C6: variants seen among roughly 807,000 people sequenced by gnomAD.
C6 encodes complement C6.
In C6, 101 loss-of-function variants were observed where a neutral mutation model predicts 112.9. The observed-to-expected ratio is 0.89, with a 90% CI of 0.76 to 1.06. The LOEUF is 1.06. C6 is among the 50% of genes least tolerant of loss of function. The probability of loss-of-function intolerance (pLI) is 0.00; values close to 1 mark genes in which losing one functional copy is unlikely to be tolerated. For synonymous variants in C6, 431 were observed against 384.1 expected (o/e 1.12, Z -1.43); for missense variants, 1,202 against 1,104.6 (o/e 1.09, Z -1.25).
intron 1 of C6, among the ~76,000 whole-genome samples, chr5:41,230,679 G>T (rs959935459): frequency 6.6e-6 from 1 of 152,074 alleles, no homozygotes; most frequent in African/African-American, 2.4e-5. Context: ...TGATCCTTGT[G>T]ACCTACTCTC....
intron 13 of C6, among the ~76,000 whole-genome samples, chr5:41,156,551 A>T (rs1746931934): frequency 6.6e-6 from 1 of 152,192 alleles, no homozygotes. Context: ...GAGGGGCAAG[A>T]GTACCAAGAA....
intron 5 of C6, chr5:41,186,520 G>T: frequency 3.1e-6 from 1 of 326,138 alleles, no homozygotes; most frequent in Non-Finnish European, 5.8e-6. Context: ...TGCAAAGTTT[G>T]GAAGCAGATT....
In C6 at chr5:41,158,778, G is replaced by C; in HGVS notation, c.1864C>G (p.Pro622Ala). ...ATTTCTTCGTCATCATTGATACATG[G>C]TTGTCCACTAAAAGGGAAACATAAA... ...TFSIMENNGQPCINDDEEMKE... is the reference protein window; with the variant it reads ...TFSIMENNGQACINDDEEMKE... Residue 622 changes from proline (P) to alanine (A), a missense_variant, in exon 13 of 18, where the codon CCA becomes GCA. Pro to Ala is a conservative substitution (Grantham distance 27, BLOSUM62 -1). Coordinates refer to ENST00000337836, the MANE Select transcript of C6 (RefSeq NM_000065.5). The C allele has an allele frequency of 6.4e-7, 1 of 1,555,402 alleles. No homozygotes were observed. The highest frequency in any genetic ancestry group is 1.4e-5 in the African/African-American group (1 of 73,834).
intron 1 of C6, among the ~76,000 whole-genome samples, chr5:41,233,595 G>A (rs1324429397): frequency 6.6e-6 from 1 of 152,020 alleles, no homozygotes; most frequent in Non-Finnish European, 1.5e-5. Flanking sequence ...TAGGCAATAA[G>A]ATTTTTGTAG....
chr5:41,251,003 T>C (rs1004058721), intron 1 of C6, among the ~76,000 whole-genome samples: 1 of 152,202 alleles, frequency 6.6e-6, no homozygotes, highest in African/African-American at 2.4e-5. Context: ...GATTATTTTC[T>C]CTACTTTATA....
At chr5:41,226,746 T>G (rs553324573) in intron 1 of C6, among the ~76,000 whole-genome samples, 1 of 152,024 alleles carries the variant, frequency 6.6e-6, no homozygotes, top group Non-Finnish European at 1.5e-5. Context: ...TTTAGTGTAG[T>G]GTCCTCCAGG....
rs571338542 is a variant in C6, at chr5:41,161,373, A to G, written c.1458+320T>C. ...AAGGAGTTGCAAGAAGAACACAGAA[A>G]CCAGATTTATTGTATACATGAAAAA... On this transcript the variant is annotated intron_variant, in intron 10 of 17. Transcript: ENST00000337836. Among the ~76,000 whole-genome samples the G allele has an allele frequency of 4.1e-4, 62 of 152,238 alleles. No individual in the cohort carries two copies. The South Asian group carries it at 0.011, about 28-fold the overall frequency.
chr5:41,224,482 C>T (rs1037934254), intron 1 of C6, among the ~76,000 whole-genome samples: 5 of 152,090 alleles, frequency 3.3e-5, no homozygotes, highest in Non-Finnish European at 7.4e-5. Context: ...CTTCACATTT[C>T]ATATAATTGA....
At chr5:41,145,559 G>C (rs562217616) in intron 17 of C6, among the ~76,000 whole-genome samples, 95 of 152,336 alleles carry the variant, frequency 6.2e-4, no homozygotes, top group African/African-American at 2.3e-3. Context: ...ATTTTAGGCA[G>C]ACATCGATTC....
At chr5:41,147,484 G>C (rs1311409034) in intron 17 of C6, among the ~76,000 whole-genome samples, 4 of 152,146 alleles carry the variant, frequency 2.6e-5, no homozygotes, top group Non-Finnish European at 4.4e-5. Flanking sequence ...GCTGAAGCTT[G>C]ATAATCAACC....
At chr5:41,173,273 C>G (rs1482750841) in intron 8 of C6, among the ~76,000 whole-genome samples, 2 of 152,178 alleles carry the variant, frequency 1.3e-5, no homozygotes, top group African/African-American at 4.8e-5. Context: ...TCTCCTTTAT[C>G]AAACTCTCTA....
intron 1 of C6, among the ~76,000 whole-genome samples, chr5:41,258,719 G>A (rs944061949): frequency 1.3e-5 from 2 of 152,170 alleles, no homozygotes; most frequent in African/African-American, 4.8e-5. Context: ...AAGAAAAGAG[G>A]TTTAATTGAA....
chr5:41,198,282 A>G (rs1750756524), intron 4 of C6, among the ~76,000 whole-genome samples: 1 of 152,168 alleles, frequency 6.6e-6, no homozygotes, highest in Non-Finnish European at 1.5e-5. Context: ...TTGAGTCAGA[A>G]AAACAATCAT....
intron 1 of C6, among the ~76,000 whole-genome samples, chr5:41,204,270 G>A (rs1219017573): frequency 1.3e-5 from 2 of 152,070 alleles, no homozygotes; most frequent in African/African-American, 2.4e-5. Context: ...GCTTTTGTTA[G>A]GATTCAGTAA....
intron 1 of C6, among the ~76,000 whole-genome samples, chr5:41,208,195 A>C (rs1751593621): frequency 1.3e-5 from 2 of 152,244 alleles, no homozygotes; most frequent in Admixed American, 1.3e-4. Flanking sequence ...ATAACATACC[A>C]GAATCTCTGG....
At chr5:41,148,737 C>T (rs924937919) in intron 17 of C6, among the ~76,000 whole-genome samples, 3 of 152,178 alleles carry the variant, frequency 2.0e-5, no homozygotes, top group African/African-American at 7.2e-5. Flanking sequence ...GGGATGCTGT[C>T]TGGGCTCAGG....
chr5:41,176,848 A>G (rs893802342), intron 7 of C6, 133 bp from the exon 8 acceptor site: 16 of 865,402 alleles, frequency 1.8e-5, no homozygotes, highest in Middle Eastern at 3.6e-4. Flanking sequence ...TCTCTATTGC[A>G]TGTTCTCACG....
chr5:41,210,239 T>C (rs566500756), intron 1 of C6, among the ~76,000 whole-genome samples: 18 of 152,182 alleles, frequency 1.2e-4, no homozygotes, highest in Non-Finnish European at 2.5e-4. Context: ...AAGACTTAAA[T>C]GCTAGACCTA....
At chr5:41,227,371 T>C (rs1006232654) in intron 1 of C6, among the ~76,000 whole-genome samples, 1 of 152,110 alleles carries the variant, frequency 6.6e-6, no homozygotes, top group Non-Finnish European at 1.5e-5. Context: ...ATCAGACGTA[T>C]GGTGTGAAAA....
Sources: gnomAD v4.1 joint callset for allele counts (sites outside exome capture counted in the v4.1 genomes callset) on GRCh38, gnomAD v4.1.1 for gene constraint, MANE v1.5 for transcripts, NCBI Gene and HGNC (gene_info 2026-07-23, HGNC 2026-07-21) for gene names.